Variants in KASH5 observed in about 807,000 individuals in gnomAD.
The protein encoded by KASH5 is KASH domain containing 5.
A neutral mutation model predicts 84.2 loss-of-function variants in KASH5; 72 were observed. The observed-to-expected ratio is 0.85, with a 90% CI of 0.71 to 1.04. The LOEUF (loss-of-function observed/expected upper bound fraction) is 1.04. KASH5 is among the 50% of genes least tolerant of loss of function. The pLI is 0.00. For synonymous variants in KASH5, 260 were observed against 279.1 expected (o/e 0.93, Z 0.68); for missense variants, 650 against 701.0 (o/e 0.93, Z 0.82).
Position 49,388,265 on chromosome 19 carries a change from A to G in KASH5, c.-158A>G, listed in dbSNP as rs9304684. Reference sequence around the variant, plus strand: ...GAAAAGCTCACGCGCACCTCCCCCAACTCAACTGCCGTTCGTCGTTCGTGG... The same window carrying G: ...GAAAAGCTCACGCGCACCTCCCCCAGCTCAACTGCCGTTCGTCGTTCGTGG... On this transcript the variant is annotated 5_prime_UTR_variant, in exon 1 of 20. Transcript: ENST00000447857. 0.52 allele frequency: 78,968 copies of G among 152,142 alleles called. 20,703 individuals carry two copies. Among genetic ancestry groups the G allele is most frequent in the South Asian group, 0.63 (3,033 of 4,832 alleles). The allele number at this position is 152,142 out of a possible 1,614,324, so 9.4% of individuals were successfully genotyped here.
rs1356730051 is a variant in KASH5 at position 49,414,271 on chromosome 19, C to T, written c.1329-680C>T. Among the ~76,000 whole-genome samples the T allele has an allele frequency of 6.6e-6, 1 of 152,092 alleles. No homozygotes were observed. ...AAGATGGGAATGAATGAGGGGCATG[C>T]TAACCCCTCAGGGCTCTTCCAGTCC... On this transcript the variant is annotated intron_variant, in intron 16 of 19. Coordinates refer to ENST00000447857, the MANE Select transcript of KASH5 (RefSeq NM_144688.5). The surrounding 1 kb of genome is among the most constrained non-coding windows in gnomAD (Gnocchi z 4.5).
intron 1 of KASH5, chr19:49,388,558 G>A (rs1350886929): frequency 6.6e-6 from 1 of 152,216 alleles, no homozygotes; most frequent in Non-Finnish European, 1.5e-5. Context: ...CAGGCGTAGT[G>A]GCACGCGCCT....
In KASH5 at chr19:49,406,933, G is replaced by A. The variant is rs899405531; in HGVS notation, c.846G>A (p.Gln282=). 14 of 1,602,556 alleles carry A rather than the reference G, an allele frequency of 8.7e-6. No individual in the cohort carries two copies. The highest frequency in any genetic ancestry group is 9.4e-6 in the Non-Finnish European group (11 of 1,174,662). ...GGGATGGAGTGAAAAAGAGAAGTCAGGAGCTGGCCATGGAGAAGGACACTT... is the reference window on the plus strand; with the variant it reads ...GGGATGGAGTGAAAAAGAGAAGTCAAGAGCTGGCCATGGAGAAGGACACTT... ...AERDGVKKRS[Q]ELAMEKDTLK... is the part of the protein sequence containing the mutation. Residue 282 remains glutamine, a synonymous_variant, in exon 10 of 20, where the codon CAG becomes CAA. Coordinates refer to ENST00000447857, the MANE Select transcript of KASH5 (RefSeq NM_144688.5).
intron 15 of KASH5, among the ~76,000 whole-genome samples, chr19:49,410,824 T>C (rs1974686670): frequency 1.3e-5 from 2 of 151,900 alleles, no homozygotes; most frequent in African/African-American, 4.8e-5. Context: ...GATCTCACTG[T>C]GTTGTCCAGA....
rs199889676 is a variant in KASH5, at chr19:49,407,612, C to T, written c.934C>T (p.Arg312Cys). 337 of 1,593,410 alleles carry T rather than the reference C, an allele frequency of 2.1e-4. No individual in the cohort carries two copies. Among genetic ancestry groups the T allele is most frequent in the Non-Finnish European group, 2.3e-4 (270 of 1,170,308 alleles). The change falls in exon 12 of 20, where the codon CGC becomes TGC. Residue 312 changes from arginine to cysteine, a missense_variant and splice_region_variant. By Grantham distance (180) the Arg-to-Cys change is radical. Transcript: ENST00000447857. ...CTCATTTGGCTTTCGGCTTTCCTAG[C>T]GCACTCGCGATGTGGAGAGCCTGGC... is the stretch of plus-strand genomic sequence containing the variant. ...ICQRDTILSERTRDVESLAQT... is the reference protein window; with the variant it reads ...ICQRDTILSECTRDVESLAQT...
Position 49,414,757 on chromosome 19 carries a change from G to A in KASH5, c.1329-194G>A, listed in dbSNP as rs1380526873. ...TCCCCCAGGCCCGTCCGTGCTGCCT[G>A]GCCTCCCCCAGGCCCGTCCGTGCTG... On this transcript the variant is annotated intron_variant, in intron 16 of 19. Transcript: ENST00000447857. This position sits in a 1 kb window ranked among gnomAD's most constrained non-coding sequence, Gnocchi z 4.5. Among the ~76,000 whole-genome samples the A allele has an allele frequency of 7.0e-6, 1 of 142,918 alleles. No homozygotes were observed. The highest frequency in any genetic ancestry group is 2.3e-4 in the South Asian group (1 of 4,384). The allele number at this position is 142,918 out of a possible 152,430, so 93.8% of individuals were successfully genotyped here. A position where few individuals can be genotyped will look rare whatever the true frequency, so the allele number is the denominator to read the frequency against.
Position 49,412,211 on chromosome 19 carries a change from C to A in KASH5, c.1270-757C>A, listed in dbSNP as rs2122218571. Among the ~76,000 whole-genome samples the A allele has an allele frequency of 6.6e-6, 1 of 152,132 alleles. No homozygotes were observed. The highest frequency in any genetic ancestry group is 2.1e-4 in the South Asian group (1 of 4,820). On this transcript the variant is annotated intron_variant, in intron 15 of 19. Transcript: ENST00000447857. This position sits in a 1 kb window ranked among gnomAD's most constrained non-coding sequence, Gnocchi z 4.6. ...GATCCCTCTGGAACCATGTGAGGGA[C>A]CTACTGGAGGCAGGGAGGAGGCTGG...
chr19:49,403,400 A>G (rs1023050855), intron 9 of KASH5, among the ~76,000 whole-genome samples: 12 of 151,908 alleles, frequency 7.9e-5, no homozygotes, highest in Admixed American at 7.2e-4. Context: ...GGGGGCAGCC[A>G]GGAAATGCCC....
At chr19:49,405,952 G>A (rs1390880122) in intron 9 of KASH5, among the ~76,000 whole-genome samples, 63 of 116,182 alleles carry the variant, frequency 5.4e-4, no homozygotes, top group Admixed American at 5.4e-4. Flanking sequence ...GGGAAACTCC[G>A]TCTCAAAAAA....
chr19:49,413,152 G>C (rs1974779768), intron 16 of KASH5, 126 bp downstream of exon 16: 1 of 957,052 alleles, frequency 1.0e-6, no homozygotes, highest in Non-Finnish European at 1.6e-6. Context: ...ATGTCTTCCG[G>C]GAGCAGAACC....
At chr19:49,394,655 G>A (rs1399825227) in intron 3 of KASH5, 75 bp downstream of exon 3, 12 of 1,164,150 alleles carry the variant, frequency 1.0e-5, no homozygotes, top group Non-Finnish European at 1.3e-5. Flanking sequence ...GGGAGCCTCA[G>A]AGAGAAGACT....
At chr19:49,403,121 GC>G (rs1424942346) in intron 9 of KASH5, among the ~76,000 whole-genome samples, 1 of 152,226 alleles carries the variant, frequency 6.6e-6, no homozygotes, top group East Asian at 1.9e-4. Flanking sequence ...ACTGTGGGAG[GC>G]CGAGGCGGGC....
At chr19:49,398,607 C>T (rs914682071) in intron 7 of KASH5, among the ~76,000 whole-genome samples, 14 of 152,082 alleles carry the variant, frequency 9.2e-5, no homozygotes, top group African/African-American at 4.8e-5. Flanking sequence ...GGGCTCAAGC[C>T]ATCCTCCCGC....
intron 1 of KASH5, chr19:49,390,042 T>C (rs1334992771): frequency 6.6e-6 from 1 of 152,478 alleles, no homozygotes; most frequent in African/African-American, 2.4e-5. Flanking sequence ...AATGCCACTC[T>C]AGCCTGAGGG....
intron 16 of KASH5, among the ~76,000 whole-genome samples, chr19:49,413,922 T>C (rs1974808269): frequency 6.6e-6 from 1 of 152,112 alleles, no homozygotes; most frequent in Non-Finnish European, 1.5e-5. Flanking sequence ...AGCACAGCTG[T>C]ATTCCTGAGG....
intron 5 of KASH5, among the ~76,000 whole-genome samples, chr19:49,397,003 A>G (rs1198870243): frequency 6.6e-6 from 1 of 151,476 alleles, no homozygotes; most frequent in Non-Finnish European, 1.5e-5. Flanking sequence ...GCAGTGAGCC[A>G]TGCATTGCAC....
chr19:49,391,282 C>T (rs1432147968), intron 2 of KASH5, among the ~76,000 whole-genome samples: 2 of 152,176 alleles, frequency 1.3e-5, no homozygotes, highest in African/African-American at 4.8e-5. Flanking sequence ...TCACAGTGCT[C>T]ACATCTGTAT....
chr19:49,396,142 C>T (rs1369477772), intron 5 of KASH5, among the ~76,000 whole-genome samples: 1 of 152,116 alleles, frequency 6.6e-6, no homozygotes, highest in Admixed American at 6.5e-5. Context: ...TTCACAGGCC[C>T]ACTGGTCTTG....
At position 49,417,334 on chromosome 19, in the gene KASH5, A is replaced by C. The variant is rs1179890116; in HGVS notation, c.1548-35A>C. The C allele has an allele frequency of 6.4e-6, 10 of 1,560,484 alleles. No homozygotes were observed. Among genetic ancestry groups the C allele is most frequent in the Non-Finnish European group, 8.7e-6 (10 of 1,151,448 alleles). On this transcript the variant is annotated intron_variant, in intron 19 of 19. Coordinates refer to ENST00000447857, the MANE Select transcript of KASH5 (RefSeq NM_144688.5). This position sits in a 1 kb window ranked among gnomAD's most constrained non-coding sequence, Gnocchi z 5.2. ...ATTGGGAAGAGCAGGGGCTGCCCAG[A>C]CCCTGCCCTAAATGCTCTCCCACCT...
Sources: gnomAD v4.1 joint callset for allele counts (sites outside exome capture counted in the v4.1 genomes callset) on GRCh38, gnomAD v4.1.1 for gene constraint, Gnocchi (gnomAD v3.1) non-coding constraint, MANE v1.5 for transcripts, NCBI Gene and HGNC (gene_info 2026-07-23, HGNC 2026-07-21) for gene names.